Variants in ITGB5 observed in about 807,000 individuals in gnomAD.
ITGB5 encodes integrin subunit beta 5.
Under a neutral mutation model 84.8 loss-of-function variants are expected in ITGB5, and 38 were observed. The ratio of observed to expected loss-of-function variants is 0.45; its 90% CI spans 0.35 to 0.59. The LOEUF (loss-of-function observed/expected upper bound fraction) is 0.59, where lower values mean the gene tolerates loss of function less well. Ranked by LOEUF, ITGB5 falls within the 20% of genes least tolerant of loss-of-function variation. The pLI, the probability that ITGB5 is intolerant of heterozygous loss-of-function variation, is 0.01. For missense variants in ITGB5, 905 were observed against 1,034.5 expected (o/e 0.87, Z 1.72); for synonymous variants, 393 against 414.4 (o/e 0.95, Z 0.63).
chr3:124,893,827 G>A (rs1030043497), intron 1 of ITGB5, among the ~76,000 whole-genome samples: 2 of 152,080 alleles, frequency 1.3e-5, no homozygotes, highest in African/African-American at 4.8e-5. Context: ...AACAAGTCTC[G>A]ACAGAAATTT....
intron 5 of ITGB5, among the ~76,000 whole-genome samples, chr3:124,822,106 A>G (rs1284939987): frequency 6.6e-6 from 1 of 152,204 alleles, no homozygotes; most frequent in African/African-American, 2.4e-5. Flanking sequence ...TTTCTGCTCC[A>G]CTATCTGAAA....
intron 9 of ITGB5, among the ~76,000 whole-genome samples, chr3:124,798,899 A>T (rs1028106802): frequency 1.3e-5 from 2 of 152,192 alleles, no homozygotes; most frequent in African/African-American, 4.8e-5. Flanking sequence ...ATCCTGCTCT[A>T]TAAGTCCTGC....
At chr3:124,794,797 C>CAAGA (rs57126302) in intron 10 of ITGB5, among the ~76,000 whole-genome samples, 32,838 of 136,298 alleles carry the variant, frequency 0.24, 3,848 homozygotes, top group Admixed American at 0.31. Context: ...AAAAAAGAAA[C>CAAGA]AAGAAAGAAA....
chr3:124,780,635 C>T (rs913476397), intron 10 of ITGB5: 1 of 152,266 alleles, frequency 6.6e-6, no homozygotes. Context: ...TCCCCCACCC[C>T]CATGCCCACG....
At chr3:124,766,072 AAAAAG>A (rs1006823977) in intron 13 of ITGB5, among the ~76,000 whole-genome samples, 149 bp downstream of exon 13, 2 of 151,856 alleles carry the variant, frequency 1.3e-5, no homozygotes, top group South Asian at 2.1e-4. Flanking sequence ...AAAAAAAAAA[AAAAAG>A]AAAAAGAAGA....
At chr3:124,848,616 G>A in intron 3 of ITGB5, 58 bp from the exon 4 acceptor site, 2 of 1,545,258 alleles carry the variant, frequency 1.3e-6, no homozygotes, top group South Asian at 1.2e-5. Context: ...GAGGGCTGAG[G>A]GATGGGATTT....
chr3:124,775,319 AGT>A (rs985359898), intron 10 of ITGB5, among the ~76,000 whole-genome samples: 12 of 151,560 alleles, frequency 7.9e-5, no homozygotes, highest in Admixed American at 5.2e-4. Flanking sequence ...TACAAGTGTG[AGT>A]GTATGTGTGT....
intron 1 of ITGB5, among the ~76,000 whole-genome samples, chr3:124,883,877 T>A (rs1052605157): frequency 3.6e-4 from 55 of 152,148 alleles, no homozygotes; most frequent in African/African-American, 1.3e-3. Context: ...CTCTTGGCCA[T>A]AAGATAATAA....
In ITGB5 at chr3:124,899,021, G is replaced by A. The variant is rs1935168078; in HGVS notation, c.-255+2245C>T. 3.3e-5 allele frequency among the ~76,000 whole-genome samples: 5 copies of A among 151,816 alleles called. No individual in the cohort carries two copies. In the South Asian group the frequency reaches 1.0e-3, roughly 32 times the overall value. ...ACCAGGGAGGCGGAGGTTGCAGTGA[G>A]CCTAGATTGCGCCATTGCATTCCAG... On this transcript the variant is annotated intron_variant, in intron 1 of 4. Transcript: ENST00000608657.
At chr3:124,893,273 T>G (rs1240036526) in intron 1 of ITGB5, among the ~76,000 whole-genome samples, 1 of 152,090 alleles carries the variant, frequency 6.6e-6, no homozygotes, top group Non-Finnish European at 1.5e-5. Flanking sequence ...CTGGATGTGG[T>G]GGCGTGCTCC....
At chr3:124,825,215 A>T (rs184162213) in intron 5 of ITGB5, among the ~76,000 whole-genome samples, 5 of 150,156 alleles carry the variant, frequency 3.3e-5, no homozygotes, top group Admixed American at 2.0e-4. Flanking sequence ...AAAAAAAAAA[A>T]GTGGAAAGAT....
chr3:124,861,490 A>ATATATATATATG (rs1257789765), intron 2 of ITGB5, among the ~76,000 whole-genome samples: 1 of 109,760 alleles, frequency 9.1e-6, no homozygotes, highest in African/African-American at 4.6e-5. Context: ...ACATATATAT[A>ATATATATATATG]TATATACACA....
At chr3:124,783,987 C>G (rs974926111) in intron 10 of ITGB5, among the ~76,000 whole-genome samples, 11 of 152,198 alleles carry the variant, frequency 7.2e-5, no homozygotes, top group African/African-American at 2.7e-4. Flanking sequence ...AGCCCCTCAC[C>G]CTTTGTCCTT....
intron 4 of ITGB5, among the ~76,000 whole-genome samples, chr3:124,846,055 T>A (rs1324371366): frequency 6.6e-6 from 1 of 152,184 alleles, no homozygotes. Flanking sequence ...TTAGAGTTCA[T>A]TTGTATTTAA....
At chr3:124,837,241 A>G (rs1303987433) in intron 5 of ITGB5, among the ~76,000 whole-genome samples, 4 of 152,268 alleles carry the variant, frequency 2.6e-5, no homozygotes, top group Non-Finnish European at 5.9e-5. Flanking sequence ...AGAGGAAAGC[A>G]GCCATATTTC....
At chr3:124,800,966 T>C (rs1201638540) in intron 9 of ITGB5, among the ~76,000 whole-genome samples, 1 of 152,208 alleles carries the variant, frequency 6.6e-6, no homozygotes, top group African/African-American at 2.4e-5. Flanking sequence ...GGGATTCTCC[T>C]GGTTCCCCTG....
intron 9 of ITGB5, among the ~76,000 whole-genome samples, chr3:124,801,100 G>A (rs1399975870): frequency 2.0e-5 from 3 of 152,210 alleles, no homozygotes; most frequent in Non-Finnish European, 4.4e-5. Context: ...AAAAGGAGCT[G>A]GGATGGGCAC....
At chr3:124,897,853 G>A (rs1348452878) in intron 1 of ITGB5, among the ~76,000 whole-genome samples, 2 of 152,156 alleles carry the variant, frequency 1.3e-5, no homozygotes, top group African/African-American at 4.8e-5. Flanking sequence ...TGTTCACAAA[G>A]TGCTATCTTC....
Position 124,762,017 on chromosome 3 carries a change from G to A in ITGB5, c.*1606C>T, listed in dbSNP as rs1005104048. 3.9e-5 allele frequency: 6 copies of A among 152,056 alleles called. No individual in the cohort carries two copies. Among genetic ancestry groups the A allele is most frequent in the African/African-American group, 1.4e-4 (6 of 41,396 alleles). 9.4% of individuals were successfully genotyped at this position (152,056 alleles called of 1,614,324 possible). On this transcript the variant is annotated 3_prime_UTR_variant, in exon 15 of 15. Transcript: ENST00000296181. ...CAACACCACAATTTATCTGTTTAATGTTTTCATTTACATTTGGCTTTATCC... is the reference window on the plus strand; with the variant it reads ...CAACACCACAATTTATCTGTTTAATATTTTCATTTACATTTGGCTTTATCC...
Sources: allele counts gnomAD v4.1 joint callset (sites outside exome capture counted in the v4.1 genomes callset), GRCh38; gene constraint gnomAD v4.1.1; transcripts MANE v1.5; gene names NCBI Gene and HGNC (gene_info 2026-07-23, HGNC 2026-07-21).